SLC26A9: variants seen among roughly 807,000 people sequenced by gnomAD.
SLC26A9 encodes anion transporter/exchanger protein 9.
SLC26A9 carries 46 observed loss-of-function variants against 87.1 expected under a neutral mutation model. That is an observed-to-expected ratio of 0.53 (90% CI 0.42 to 0.67). The LOEUF (loss-of-function observed/expected upper bound fraction) is 0.67, where lower values mean the gene tolerates loss of function less well. SLC26A9 is among the 30% of genes least tolerant of loss of function. SLC26A9 has a pLI of 0.00. For missense variants in SLC26A9, 927 were observed against 1,018.3 expected (o/e 0.91, Z 1.22); for synonymous variants, 437 against 409.1 (o/e 1.07, Z -0.82).
rs775303292 is a variant in SLC26A9, at chr1:205,931,819, G to T, written c.552+41C>A. On this transcript the variant is annotated intron_variant, in intron 5 of 20. Coordinates refer to ENST00000367135, the MANE Select transcript of SLC26A9 (RefSeq NM_052934.4). ...AAGGCTTTGAGGGAGGGGCAGGGTG[G>T]TCTGATGCCCTTCTAGCAGGGTTGG... 1.6e-5 allele frequency: 25 copies of T among 1,589,498 alleles called. No homozygotes were observed. In the Admixed American group the frequency reaches 4.3e-4, roughly 27 times the overall value.
intron 17 of SLC26A9, 43 bp from the exon 18 acceptor site, chr1:205,920,273 T>C (rs1421640128): frequency 2.5e-6 from 4 of 1,611,610 alleles, no homozygotes; most frequent in Admixed American, 3.3e-5. Flanking sequence ...GAAAGGAATG[T>C]TCTGAGTGGG....
intron 20 of SLC26A9, among the ~76,000 whole-genome samples, chr1:205,916,873 G>A (rs1403229755): frequency 6.6e-6 from 1 of 152,088 alleles, no homozygotes; most frequent in African/African-American, 2.4e-5. Flanking sequence ...GACCGAGGCA[G>A]GCAGATTGCT....
At chr1:205,915,500 C>G (rs1658552472) in intron 20 of SLC26A9, 96 bp from the exon 21 acceptor site, 43 of 1,525,712 alleles carry the variant, frequency 2.8e-5, no homozygotes, top group Non-Finnish European at 3.5e-5. Context: ...CTAGGAACCC[C>G]TGGCCAGAAC....
chr1:205,921,434 C>T (rs2102576030), intron 17 of SLC26A9, 132 bp downstream of exon 17: 1 of 1,195,620 alleles, frequency 8.4e-7, no homozygotes, highest in Non-Finnish European at 1.1e-6. Flanking sequence ...GGAGGGATTC[C>T]TAGGAGCTGT....
intron 1 of SLC26A9, among the ~76,000 whole-genome samples, chr1:205,937,404 A>T (rs60401692): frequency 0.01 from 1,540 of 152,322 alleles, 13 homozygotes; most frequent in Middle Eastern, 0.031. Context: ...GGCATGTGAG[A>T]CATTTCAGTG....
intron 1 of SLC26A9, among the ~76,000 whole-genome samples, chr1:205,938,035 G>A (rs1659589016): frequency 6.6e-6 from 1 of 152,090 alleles, no homozygotes; most frequent in Non-Finnish European, 1.5e-5. Context: ...CTTTCAAAGG[G>A]TCTAAGTTCC....
chr1:205,924,749 C>G, intron 12 of SLC26A9: 1 of 423,882 alleles, frequency 2.4e-6, no homozygotes, highest in Non-Finnish European at 4.3e-6. Context: ...GAGGTGGCAT[C>G]TATAAGAGCA....
chr1:205,923,166 T>G lies in SLC26A9; in HGVS notation c.1689A>C (p.Leu563=). Residue 563 remains leucine, a synonymous_variant, in exon 16 of 21, where the codon CTA becomes CTC. Coordinates refer to ENST00000367135, the MANE Select transcript of SLC26A9 (RefSeq NM_052934.4). ...KTGMDPQKVL[L]AKQKYLKKQE... Reference sequence around the variant, plus strand: ...GCTTCTTGAGGTATTTTTGCTTGGCTAGTAATACTTTCTGGGGGTCCATGC... The same window carrying G: ...GCTTCTTGAGGTATTTTTGCTTGGCGAGTAATACTTTCTGGGGGTCCATGC... 1.2e-6 allele frequency: 2 copies of G among 1,614,184 alleles called. No individual in the cohort carries two copies. Among genetic ancestry groups the G allele is most frequent in the Non-Finnish European group, 8.5e-7 (1 of 1,180,036 alleles).
intron 12 of SLC26A9, chr1:205,924,823 G>A: frequency 3.7e-6 from 1 of 267,886 alleles, no homozygotes; most frequent in Non-Finnish European, 7.2e-6. Flanking sequence ...TGGAGTCACA[G>A]GGTCTTGCTC....
chr1:205,929,262 T>A lies in SLC26A9; in HGVS notation c.812A>T (p.Glu271Val). The A allele has an allele frequency of 1.2e-6, 2 of 1,614,158 alleles. No homozygotes were observed. Among genetic ancestry groups the A allele is most frequent in the Non-Finnish European group, 8.5e-7 (1 of 1,180,020 alleles). Reference sequence around the variant, plus strand: ...CTTGTGCATGTAGCGAGCATTGAGCTCCTTCACCAGCACCAGGAAGGCACC... The same window carrying A: ...CTTGTGCATGTAGCGAGCATTGAGCACCTTCACCAGCACCAGGAAGGCACC... ...ISGAFLVLVKELNARYMHKIR... is the reference protein window; with the variant it reads ...ISGAFLVLVKVLNARYMHKIR... Residue 271 changes from glutamate to valine, a missense_variant, in exon 7 of 21, where the codon GAG (glutamate) becomes GTG (valine). Physicochemically the swap from Glu to Val is moderately radical, Grantham distance 121 (BLOSUM62 -2). Transcript: ENST00000367135.
At chr1:205,931,469 T>TTTTTTTTTTTTTTTTTTG (rs1659303482) in intron 5 of SLC26A9, among the ~76,000 whole-genome samples, 1 of 46,012 alleles carries the variant, frequency 2.2e-5, no homozygotes, top group African/African-American at 5.8e-5. Context: ...AACTTGGTTT[T>TTTTTTTTTTTTTTTTTTG]TTTTTTTTTT....
At chr1:205,915,692 G>C (rs531955562) in intron 20 of SLC26A9, among the ~76,000 whole-genome samples, 9 of 152,250 alleles carry the variant, frequency 5.9e-5, no homozygotes, top group African/African-American at 2.2e-4. Context: ...CCCCCTAATA[G>C]CTTCACTTTC....
At chr1:205,920,650 T>C (rs1658789957) in intron 17 of SLC26A9, among the ~76,000 whole-genome samples, 1 of 152,098 alleles carries the variant, frequency 6.6e-6, no homozygotes, top group African/African-American at 2.4e-5. Context: ...CAGGGGCCCG[T>C]CACCACACCT....
At chr1:205,924,991 G>A (rs928083079) in intron 12 of SLC26A9, among the ~76,000 whole-genome samples, 1 of 152,058 alleles carries the variant, frequency 6.6e-6, no homozygotes, top group Admixed American at 6.5e-5. Context: ...GACGGCTCTC[G>A]CTAAGCTGCC....
In SLC26A9 at chr1:205,914,840, C is replaced by T; in HGVS notation, c.*517G>A. On this transcript the variant is annotated 3_prime_UTR_variant, in exon 21 of 21. Coordinates refer to ENST00000367135, the MANE Select transcript of SLC26A9 (RefSeq NM_052934.4). Reference sequence around the variant, plus strand: ...TCCCTGGGTGCAGAGCTGCCAGAGACAGAGTTGAGGCAGCTGGGGAAGGCA... The same window carrying T: ...TCCCTGGGTGCAGAGCTGCCAGAGATAGAGTTGAGGCAGCTGGGGAAGGCA... 1 of 1,565,748 alleles carries T rather than the reference C, an allele frequency of 6.4e-7. No individual in the cohort carries two copies. The highest frequency in any genetic ancestry group is 8.7e-7 in the Non-Finnish European group (1 of 1,152,962).
intron 19 of SLC26A9, among the ~76,000 whole-genome samples, chr1:205,918,444 TC>T (rs1658685022): frequency 6.6e-6 from 1 of 152,014 alleles, no homozygotes; most frequent in East Asian, 1.9e-4. Context: ...CTTACTCCCC[TC>T]CCCTCCCTTC....
intron 16 of SLC26A9, among the ~76,000 whole-genome samples, chr1:205,922,242 T>C (rs1458875207): frequency 6.6e-6 from 1 of 152,190 alleles, no homozygotes; most frequent in African/African-American, 2.4e-5. Flanking sequence ...GTTCAAGTGA[T>C]TCTCGTGCCT....
chr1:205,927,369 G>A, intron 10 of SLC26A9, 81 bp from the exon 11 acceptor site: 1 of 1,571,524 alleles, frequency 6.4e-7, no homozygotes, highest in Non-Finnish European at 8.8e-7. Context: ...GGCTTTGGTG[G>A]AGTGGAGACT....
rs1161518989 is a variant in SLC26A9 at position 205,921,566 on chromosome 1, C to T, written c.2055G>A (p.Lys685=). 1 of 1,606,612 alleles carries T rather than the reference C, an allele frequency of 6.2e-7. No homozygotes were observed. The part of the protein sequence containing the change: ...VDLMGIKALA[K]LSSTYGKIGV... ...TGCTTGCTGTTCCCGAGGGCCTCAC[C>T]TTGGCCAGGGCCTTGATGCCCATCA... Residue 685 remains lysine (K), a splice_region_variant and synonymous_variant, in exon 17 of 21, where the codon AAG becomes AAA. Transcript: ENST00000367135.
Sources: gnomAD v4.1 joint callset for allele counts (sites outside exome capture counted in the v4.1 genomes callset) on GRCh38, gnomAD v4.1.1 for gene constraint, MANE v1.5 for transcripts, NCBI Gene and HGNC (gene_info 2026-07-23, HGNC 2026-07-21) for gene names.